UGT1A9: variants seen among roughly 807,000 people sequenced by gnomAD.
UGT1A9 encodes the protein UDP-glucuronosyltransferase 1A9.
In UGT1A9, 35 loss-of-function variants were observed where a neutral mutation model predicts 45.0. The ratio of observed to expected loss-of-function variants is 0.78; its 90% CI spans 0.59 to 1.03. UGT1A9 has a LOEUF of 1.03. Ranked by LOEUF, UGT1A9 falls within the 50% of genes least tolerant of loss-of-function variation. The pLI is 0.00. For missense variants in UGT1A9, 687 were observed against 666.6 expected, an observed-to-expected ratio of 1.03 and a Z score of -0.34; for synonymous variants, 278 against 250.6, an observed-to-expected ratio of 1.11 and a Z score of -1.03.
rs28900377 is a variant in UGT1A9 at position 233,743,611 on chromosome 2, C to T, written c.856-23423C>T. The T allele has an allele frequency of 3.6e-3, 4,908 of 1,367,342 alleles. 268 individuals are homozygous for T. The African/African-American group carries it at 0.064, about 18-fold the overall frequency. The allele number at this position is 1,367,342 out of a possible 1,614,324, so 84.7% of individuals were successfully genotyped here. The stretch of plus-strand genomic sequence containing the variant: ...AGAATGGGTCCTGGCCGCCGAAGAA[C>T]TCCCTGAAGACGTCGGCTGGGTCGC... On this transcript the variant is annotated intron_variant, in intron 1 of 4. Transcript: ENST00000354728.
At chr2:233,717,239 G>T (rs28898607) in intron 1 of UGT1A9, among the ~76,000 whole-genome samples, 1 of 152,308 alleles carries the variant, frequency 6.6e-6, no homozygotes, top group East Asian at 1.9e-4. Flanking sequence ...TTAAGATGCA[G>T]ACAGTTTTAA....
intron 1 of UGT1A9, chr2:233,719,293 G>A (rs149433426): frequency 1.9e-6 from 3 of 1,613,970 alleles, no homozygotes; most frequent in Middle Eastern, 1.7e-4. Context: ...AACCTCTGTG[G>A]GGCGGTGCTG....
chr2:233,729,991 C>G, intron 1 of UGT1A9: 2 of 1,614,020 alleles, frequency 1.2e-6, no homozygotes, highest in Non-Finnish European at 1.7e-6. Flanking sequence ...GCCACTATCT[C>G]AGGTCTGTAT....
At chr2:233,758,761 T>C (rs892563894) in intron 1 of UGT1A9, among the ~76,000 whole-genome samples, 1 of 152,200 alleles carries the variant, frequency 6.6e-6, no homozygotes, top group Non-Finnish European at 1.5e-5. Context: ...GTGATGTGTA[T>C]GGTTCAAATG....
intron 1 of UGT1A9, among the ~76,000 whole-genome samples, chr2:233,677,837 A>G (rs1343055361): frequency 6.6e-6 from 1 of 152,180 alleles, no homozygotes; most frequent in Admixed American, 6.5e-5. Flanking sequence ...ATATATGTAA[A>G]AAAAATCGTT....
intron 1 of UGT1A9, chr2:233,756,428 T>G (rs1464459350): frequency 6.6e-6 from 1 of 152,242 alleles, no homozygotes; most frequent in Non-Finnish European, 1.5e-5. Flanking sequence ...TACTGTTTTT[T>G]TTTCATTGTT....
intron 1 of UGT1A9, among the ~76,000 whole-genome samples, chr2:233,726,980 A>G (rs1337493620): frequency 1.3e-5 from 2 of 152,116 alleles, no homozygotes; most frequent in Non-Finnish European, 2.9e-5. Context: ...TTAGATTTTG[A>G]TGAGGTTCTT....
intron 1 of UGT1A9, chr2:233,761,159 T>C: frequency 6.2e-7 from 1 of 1,614,228 alleles, no homozygotes; most frequent in Non-Finnish European, 8.5e-7. Flanking sequence ...CAGGTGTGTA[T>C]TGGAGTGGGA....
intron 1 of UGT1A9, among the ~76,000 whole-genome samples, chr2:233,742,359 GA>G (rs1415780327): frequency 1.3e-5 from 2 of 152,084 alleles, no homozygotes; most frequent in Admixed American, 6.5e-5. Flanking sequence ...ATCTGCAGCA[GA>G]AACATGTCCT....
At chr2:233,719,751 A>G in intron 1 of UGT1A9, 1 of 1,612,694 alleles carries the variant, frequency 6.2e-7, no homozygotes, top group East Asian at 2.2e-5. Flanking sequence ...AAATGTATTT[A>G]CTTACAAGTG....
chr2:233,757,065 T>C (rs1273460805), intron 1 of UGT1A9, among the ~76,000 whole-genome samples: 1 of 151,244 alleles, frequency 6.6e-6, no homozygotes, highest in Non-Finnish European at 1.5e-5. Flanking sequence ...CAGCAAGGGA[T>C]CCAGAATGGC....
At chr2:233,760,549 G>A (rs2125985791) in intron 1 of UGT1A9, 1 of 1,614,268 alleles carries the variant, frequency 6.2e-7, no homozygotes, top group Non-Finnish European at 8.5e-7. Context: ...AAGGGAGGAT[G>A]TGAAAGAGTC....
chr2:233,756,771 G>C (rs1424521769), intron 1 of UGT1A9, among the ~76,000 whole-genome samples: 1 of 152,000 alleles, frequency 6.6e-6, no homozygotes, highest in Non-Finnish European at 1.5e-5. Context: ...TGGATTCTTT[G>C]CTTTGATAAA....
At position 233,772,524 on chromosome 2, in the gene UGT1A9, CG is replaced by C. The variant is rs1700532996; in HGVS notation, c.1559del (p.Arg520GlnfsTer22). On this transcript the variant is annotated frameshift_variant, in exon 5 of 5. Transcript: ENST00000354728. LOFTEE classifies it high-confidence loss of function. The part of the protein sequence containing the change: ...GYRKCLGKKG[R>X]VKKAHKSKTH Reference sequence around the variant, plus strand: ...CCGGAAATGCTTGGGGAAAAAAGGGCGAGTTAAGAAAGCCCACAAATCCAAG... The same window carrying C: ...CCGGAAATGCTTGGGGAAAAAAGGGCAGTTAAGAAAGCCCACAAATCCAAG... 6.2e-7 allele frequency: 1 copy of C among 1,613,838 alleles called. No homozygotes were observed. The highest frequency in any genetic ancestry group is 1.3e-5 in the African/African-American group (1 of 74,832).
At chr2:233,714,345 G>A (rs2076380824) in intron 1 of UGT1A9, among the ~76,000 whole-genome samples, 1 of 152,206 alleles carries the variant, frequency 6.6e-6, no homozygotes, top group Non-Finnish European at 1.5e-5. Flanking sequence ...CTCAGAGGAA[G>A]TAGAGGTTTC....
chr2:233,694,362 G>T (rs907491363), intron 1 of UGT1A9, among the ~76,000 whole-genome samples: 4 of 151,882 alleles, frequency 2.6e-5, no homozygotes, highest in Non-Finnish European at 5.9e-5. Context: ...GCTAAGAATG[G>T]TTTTTGTAGT....
chr2:233,766,281 G>A (rs1699102730), intron 1 of UGT1A9, among the ~76,000 whole-genome samples: 1 of 151,840 alleles, frequency 6.6e-6, no homozygotes. Context: ...GGTGGCCCGG[G>A]CTCGGTGGCC....
Position 233,765,258 on chromosome 2 carries a change from A to G in UGT1A9, c.856-1776A>G, listed in dbSNP as rs28900400. On this transcript the variant is annotated intron_variant, in intron 1 of 4. Coordinates refer to ENST00000354728, the MANE Select transcript of UGT1A9 (RefSeq NM_021027.3). ...AGACTCAGTAATCCCATTACTGGGT[A>G]TATACCCAAAGAAATATAAATTATT... Among the ~76,000 whole-genome samples, 1,446 of 152,334 alleles carry G rather than the reference A, an allele frequency of 9.5e-3. 33 individuals carry two copies. Among genetic ancestry groups the G allele is most frequent in the African/African-American group, 0.033 (1,355 of 41,576 alleles).
intron 1 of UGT1A9, among the ~76,000 whole-genome samples, chr2:233,673,449 A>G (rs1417068364): frequency 1.3e-5 from 2 of 152,102 alleles, no homozygotes; most frequent in South Asian, 2.1e-4. Flanking sequence ...ACTCTTTAAT[A>G]CTTTCCTTAC....
Sources: allele counts gnomAD v4.1 joint callset (sites outside exome capture counted in the v4.1 genomes callset), GRCh38; gene constraint gnomAD v4.1.1; transcripts MANE v1.5; gene names NCBI Gene and HGNC (gene_info 2026-07-23, HGNC 2026-07-21).